Variants in PCDHA3 observed in about 807,000 individuals in gnomAD.
The protein encoded by PCDHA3 is protocadherin alpha 3, also known as protocadherin alpha-3.
PCDHA3 carries 41 observed loss-of-function variants against 62.2 expected under a neutral mutation model. The ratio of observed to expected loss-of-function variants is 0.66; its 90% confidence interval spans 0.51 to 0.86. PCDHA3 has a LOEUF of 0.86. Ranked by LOEUF, PCDHA3 falls within the 40% of genes least tolerant of loss-of-function variation. PCDHA3 has a pLI of 0.00. For missense variants in PCDHA3, 1,304 were observed against 1,241.2 expected (o/e 1.05, Z -0.76); for synonymous variants, 640 against 555.4 (o/e 1.15, Z -2.14).
intron 1 of PCDHA3, among the ~76,000 whole-genome samples, chr5:140,960,361 T>C (rs1262686301): frequency 2.6e-5 from 4 of 152,194 alleles, no homozygotes; most frequent in Non-Finnish European, 4.4e-5. Context: ...TGAAATAATA[T>C]GCCAACTCTT....
At chr5:140,968,346 C>A in intron 1 of PCDHA3, 2 of 1,614,090 alleles carry the variant, frequency 1.2e-6, no homozygotes, top group Non-Finnish European at 1.7e-6. Context: ...ATTAACAGTG[C>A]CAGTGGCAGC....
intron 3 of PCDHA3, among the ~76,000 whole-genome samples, chr5:141,005,605 G>A (rs1366861614): frequency 7.3e-5 from 11 of 150,146 alleles, no homozygotes; most frequent in African/African-American, 2.7e-4. Context: ...AGGAGGCTGA[G>A]GCAGGAGAAT....
At chr5:140,835,406 G>A (rs1773617181) in intron 1 of PCDHA3, 1 of 1,613,856 alleles carries the variant, frequency 6.2e-7, no homozygotes, top group African/African-American at 1.3e-5. Context: ...TGGAAGTTGT[G>A]GATGTAAATG....
At chr5:140,990,742 G>A (rs947618929) in intron 3 of PCDHA3, among the ~76,000 whole-genome samples, 2 of 152,176 alleles carry the variant, frequency 1.3e-5, no homozygotes, top group African/African-American at 4.8e-5. Context: ...CAGCCCTAGG[G>A]TGGATACCTT....
intron 1 of PCDHA3, among the ~76,000 whole-genome samples, chr5:140,909,201 C>G (rs1379290108): frequency 6.6e-6 from 1 of 152,136 alleles, no homozygotes; most frequent in Non-Finnish European, 1.5e-5. Flanking sequence ...GACACAAAGC[C>G]GGAGAGTTGA....
chr5:140,869,396 A>C (rs782754440), intron 1 of PCDHA3: 18 of 1,614,242 alleles, frequency 1.1e-5, no homozygotes, highest in East Asian at 2.2e-5. Flanking sequence ...CTGTGCGGGC[A>C]GAGCGCGGAG....
At chr5:140,825,944 G>T (rs2150141904) in intron 1 of PCDHA3, 2 of 152,286 alleles carry the variant, frequency 1.3e-5, no homozygotes, top group Non-Finnish European at 2.9e-5. Context: ...GAAATAATGA[G>T]AACCATTTGT....
chr5:140,838,077 A>AGTGTGTGT (rs57130401), intron 1 of PCDHA3, among the ~76,000 whole-genome samples: 22 of 80,694 alleles, frequency 2.7e-4, no homozygotes, highest in South Asian at 8.5e-4. Flanking sequence ...ATATATATAT[A>AGTGTGTGT]GTGTGTGTGT....
At chr5:140,821,757 T>C (rs1767048336) in intron 1 of PCDHA3, 1 of 1,585,704 alleles carries the variant, frequency 6.3e-7, no homozygotes, top group Non-Finnish European at 8.6e-7. Context: ...AGAAAGCTCA[T>C]AATTGGAACG....
intron 1 of PCDHA3, chr5:140,821,824 T>C (rs2150110897): frequency 9.9e-6 from 16 of 1,614,004 alleles, no homozygotes; most frequent in East Asian, 2.2e-5. Flanking sequence ...CCTGCTGCTC[T>C]GGCTTCTCCT....
At chr5:140,836,867 G>T in intron 1 of PCDHA3, 1 of 732,152 alleles carries the variant, frequency 1.4e-6, no homozygotes. Flanking sequence ...TTAATGTTAT[G>T]CTGTATTTGC....
At chr5:140,871,545 A>G (rs1554165721) in intron 1 of PCDHA3, 1 of 1,501,736 alleles carries the variant, frequency 6.7e-7, no homozygotes, top group Non-Finnish European at 8.9e-7. Context: ...GAAATTATTT[A>G]AAATCCAGTT....
rs782631991 is a variant in PCDHA3, at chr5:140,966,741, G to C, written c.2395-12208G>C. The C allele has an allele frequency of 7.5e-4, 1,063 of 1,421,208 alleles. 1 individual carries two copies. The highest frequency in any genetic ancestry group is 9.1e-4 in the Non-Finnish European group (995 of 1,093,108). The allele number at this position is 1,421,208 out of a possible 1,614,324, so 88.0% of individuals were successfully genotyped here. Reference sequence around the variant, plus strand: ...GAAGCTGCCGCCTCCGGCCCTGCCCGGCTGCCTCCGCCGCGGCCAGTGGCT... The same window carrying C: ...GAAGCTGCCGCCTCCGGCCCTGCCCCGCTGCCTCCGCCGCGGCCAGTGGCT... On this transcript the variant is annotated intron_variant, in intron 1 of 3. Transcript: ENST00000522353.
intron 1 of PCDHA3, among the ~76,000 whole-genome samples, chr5:140,874,637 AC>A (rs1177845104): frequency 4.6e-5 from 7 of 152,256 alleles, no homozygotes; most frequent in African/African-American, 1.7e-4. Flanking sequence ...AAAGTGCTTT[AC>A]TTTTGCTAGA....
chr5:140,883,207 G>T (rs781883209), intron 1 of PCDHA3: 12 of 1,613,794 alleles, frequency 7.4e-6, no homozygotes, highest in East Asian at 2.2e-5. Context: ...TCGAAGAAAA[G>T]AAATTATATG....
chr5:140,835,731 G>A, intron 1 of PCDHA3: 3 of 1,613,790 alleles, frequency 1.9e-6, no homozygotes, highest in Non-Finnish European at 2.5e-6. Flanking sequence ...CGACGTGAAC[G>A]ACAACGCCCC....
intron 1 of PCDHA3, chr5:140,812,047 C>T (rs140819853): frequency 1.7e-4 from 20 of 120,280 alleles, no homozygotes; most frequent in African/African-American, 5.8e-4. Flanking sequence ...GTTCCCTCTC[C>T]TTCAATTTTT....
intron 1 of PCDHA3, chr5:140,856,277 A>T: frequency 1.9e-6 from 3 of 1,598,280 alleles, no homozygotes; most frequent in Non-Finnish European, 2.6e-6. Flanking sequence ...TCTGGAGGTA[A>T]ATCTGCAGAA....
In PCDHA3 at chr5:140,801,235, G is replaced by A; in HGVS notation, c.38G>A (p.Cys13Tyr). 6.2e-7 allele frequency: 1 copy of A among 1,612,956 alleles called. No homozygotes were observed. The highest frequency in any genetic ancestry group is 8.5e-7 in the Non-Finnish European group (1 of 1,179,190). ...FSWREDPGAQ[C>Y]LLLSLLLLAA... ...TGGCGAGAAGATCCTGGAGCCCAGT[G>A]CCTGCTGCTTTCTCTTCTGCTCCTC... is the stretch of plus-strand genomic sequence containing the variant. Residue 13 changes from cysteine (C) to tyrosine (Y), a missense_variant, in exon 1 of 4, where the codon TGC (cysteine) becomes TAC (tyrosine). Coordinates refer to ENST00000522353, the MANE Select transcript of PCDHA3 (RefSeq NM_018906.3).
Sources: allele counts gnomAD v4.1 joint callset (sites outside exome capture counted in the v4.1 genomes callset), GRCh38; gene constraint gnomAD v4.1.1; transcripts MANE v1.5; gene names NCBI Gene and HGNC (gene_info 2026-07-23, HGNC 2026-07-21).